The following COL25A1 variants were observed in gnomAD, a reference collection of about 807,000 sequenced individuals.
COL25A1 encodes collagen type XXV alpha 1 chain.
Under a neutral mutation model 128.4 loss-of-function variants are expected in COL25A1, and 103 were observed. That is an observed-to-expected ratio of 0.80 (90% confidence interval 0.68 to 0.94). COL25A1 has a LOEUF of 0.94. Among genes scored for constraint, COL25A1 ranks in the 40% least tolerant of loss-of-function variants. The pLI is 0.00. For synonymous variants in COL25A1, 279 were observed against 277.2 expected (o/e 1.01, Z -0.06); for missense variants, 745 against 840.0 (o/e 0.89, Z 1.40).
intron 3 of COL25A1, among the ~76,000 whole-genome samples, chr4:109,117,098 A>G (rs897198440): frequency 1.3e-5 from 2 of 151,608 alleles, no homozygotes; most frequent in African/African-American, 2.4e-5. Context: ...AATATTTGTA[A>G]CAATGATGAC....
intron 3 of COL25A1, among the ~76,000 whole-genome samples, chr4:109,268,398 G>A (rs1302483994): frequency 3.3e-5 from 5 of 152,034 alleles, no homozygotes; most frequent in Non-Finnish European, 7.4e-5. Flanking sequence ...AGTTTATAAA[G>A]GATATGGAAC....
chr4:109,027,347 T>C (rs970367721), intron 5 of COL25A1, among the ~76,000 whole-genome samples: 12 of 152,018 alleles, frequency 7.9e-5, no homozygotes, highest in African/African-American at 2.7e-4. Flanking sequence ...GATGGAGGTG[T>C]GCTTAGCGTG....
At chr4:109,250,427 A>C (rs1055054749) in intron 3 of COL25A1, among the ~76,000 whole-genome samples, 10 of 117,082 alleles carry the variant, frequency 8.5e-5, no homozygotes, top group Non-Finnish European at 1.7e-4. Flanking sequence ...GTAAAGAATT[A>C]GTTTACATGA....
intron 8 of COL25A1, among the ~76,000 whole-genome samples, chr4:108,960,265 T>C (rs913181764): frequency 2.6e-5 from 4 of 152,150 alleles, no homozygotes; most frequent in Admixed American, 6.5e-5. Flanking sequence ...ACTATTCTTT[T>C]CATCATCAAA....
intron 3 of COL25A1, among the ~76,000 whole-genome samples, chr4:109,166,715 T>C (rs1034525476): frequency 2.6e-5 from 4 of 152,314 alleles, no homozygotes; most frequent in Non-Finnish European, 5.9e-5. Flanking sequence ...CCTAGGAAGG[T>C]TTTAAATGTT....
In COL25A1 at chr4:108,942,154, C is replaced by A; in HGVS notation, c.493-717G>T. The stretch of plus-strand genomic sequence containing the variant: ...GCAAGCCAATTGAATGGTTCCTGCT[C>A]ACGCTTATGCTGATTGCATTTCTGA... On this transcript the variant is annotated intron_variant, in intron 8 of 37. Coordinates refer to ENST00000399132, the MANE Select transcript of COL25A1 (RefSeq NM_198721.4). 5 of 1,521,854 alleles carry A rather than the reference C, an allele frequency of 3.3e-6. No homozygotes were observed. In the South Asian group the frequency reaches 6.0e-5, roughly 18 times the overall value. 94.3% of individuals were successfully genotyped at this position (1,521,854 alleles called of 1,614,324 possible).
At chr4:108,858,616 A>C (rs1203223615) in intron 24 of COL25A1, among the ~76,000 whole-genome samples, 1 of 152,152 alleles carries the variant, frequency 6.6e-6, no homozygotes, top group Non-Finnish European at 1.5e-5. Flanking sequence ...GCATTCATAC[A>C]TCCATAATGG....
At chr4:108,890,198 T>A (rs1231031212) in intron 16 of COL25A1, among the ~76,000 whole-genome samples, 2 of 152,176 alleles carry the variant, frequency 1.3e-5, no homozygotes, top group Non-Finnish European at 2.9e-5. Context: ...CAAGTCAAGG[T>A]TCAACAGATG....
At chr4:109,027,446 A>AG (rs11461227) in intron 5 of COL25A1, among the ~76,000 whole-genome samples, 74,906 of 151,576 alleles carry the variant, frequency 0.49, 21,081 homozygotes, top group African/African-American at 0.76. Context: ...GAGATCAGAG[A>AG]GACTTTGCAG....
chr4:109,014,306 C>A (rs376159129), intron 5 of COL25A1, among the ~76,000 whole-genome samples: 8 of 147,102 alleles, frequency 5.4e-5, no homozygotes, highest in South Asian at 2.1e-4. Context: ...CACTCTGTCT[C>A]AAAAAAAAAA....
At chr4:108,829,640 T>A (rs1560711521) in intron 32 of COL25A1, among the ~76,000 whole-genome samples, 5 of 151,688 alleles carry the variant, frequency 3.3e-5, no homozygotes, top group Admixed American at 1.3e-4. Flanking sequence ...GAATCTTGGC[T>A]TTGTCTTATT....
chr4:108,947,116 C>A (rs1748854551), intron 8 of COL25A1, among the ~76,000 whole-genome samples: 1 of 151,974 alleles, frequency 6.6e-6, no homozygotes, highest in African/African-American at 2.4e-5. Flanking sequence ...TGTGGACAGC[C>A]AAGGGACAGC....
chr4:109,284,924 T>C (rs1377602429), intron 3 of COL25A1, among the ~76,000 whole-genome samples: 2 of 151,306 alleles, frequency 1.3e-5, no homozygotes, highest in Non-Finnish European at 2.9e-5. Flanking sequence ...AGGATTTTCA[T>C]CAGTGCTAAA....
intron 21 of COL25A1, 77 bp from the exon 22 acceptor site, chr4:108,862,622 G>A: frequency 1.6e-6 from 2 of 1,226,138 alleles, no homozygotes; most frequent in South Asian, 1.3e-5. Flanking sequence ...AATTAGCAGT[G>A]ACTCAGAATA....
intron 3 of COL25A1, among the ~76,000 whole-genome samples, chr4:109,150,782 G>A (rs1771421248): frequency 6.6e-6 from 1 of 152,088 alleles, no homozygotes; most frequent in Admixed American, 6.5e-5. Flanking sequence ...TCAAGATGAT[G>A]TGTACACCAA....
chr4:108,876,051 G>A (rs959102743), intron 19 of COL25A1, among the ~76,000 whole-genome samples: 7 of 152,046 alleles, frequency 4.6e-5, no homozygotes, highest in Admixed American at 2.6e-4. Context: ...ACCACACACC[G>A]GGGCCTGTCA....
At position 108,974,557 on chromosome 4, in the gene COL25A1, G is replaced by T. The variant is rs201621437; in HGVS notation, c.441C>A (p.Gly147=). The change falls in exon 7 of 38, where the codon GGC becomes GGA. Residue 147 remains glycine, a splice_region_variant and synonymous_variant. Coordinates refer to ENST00000399132, the MANE Select transcript of COL25A1 (RefSeq NM_198721.4). ...CCTTATCGCCTTTTGGACCAGGAGG[G>T]CCCTGAAAAAAAGAAAGAGAAAAAA... The part of the protein sequence containing the change: ...SGPPGQPGPQ[G]PPGPKGDKGE... The T allele has an allele frequency of 6.0e-4, 945 of 1,573,222 alleles. 3 individuals are homozygous for T. The highest frequency in any genetic ancestry group is 5.4e-3 in the African/African-American group (369 of 68,262).
chr4:109,138,793 C>T (rs944014312), intron 3 of COL25A1, among the ~76,000 whole-genome samples: 1 of 152,078 alleles, frequency 6.6e-6, no homozygotes, highest in Non-Finnish European at 1.5e-5. Flanking sequence ...AGGCAAGCTC[C>T]ACATCCTGGG....
intron 3 of COL25A1, among the ~76,000 whole-genome samples, chr4:109,061,452 T>C (rs901247184): frequency 3.9e-5 from 6 of 152,218 alleles, no homozygotes; most frequent in African/African-American, 7.2e-5. Flanking sequence ...CTTCAAACTA[T>C]AGTTTAAGGA....
Sources: allele counts gnomAD v4.1 joint callset (sites outside exome capture counted in the v4.1 genomes callset), GRCh38; gene constraint gnomAD v4.1.1; transcripts MANE v1.5; gene names NCBI Gene and HGNC (gene_info 2026-07-23, HGNC 2026-07-21).